Variants in DOCK4 observed in about 807,000 individuals in gnomAD.
DOCK4 encodes the protein dedicator of cytokinesis protein 4.
Under a neutral mutation model 268.1 loss-of-function variants are expected in DOCK4, and 97 were observed. That is an observed-to-expected ratio of 0.36 (90% CI 0.31 to 0.43). The LOEUF is 0.43. Ranked by LOEUF, DOCK4 falls within the 20% of genes least tolerant of loss-of-function variation. DOCK4 has a pLI of 1.00. For synonymous variants in DOCK4, 954 were observed against 887.2 expected, an observed-to-expected ratio of 1.08 and a Z score of -1.34; for missense variants, 2,145 against 2,455.7, an observed-to-expected ratio of 0.87 and a Z score of 2.67.
intron 43 of DOCK4, among the ~76,000 whole-genome samples, chr7:111,746,814 CTTTTTTTTTT>C (rs59197701): frequency 1.1e-4 from 12 of 110,916 alleles, no homozygotes; most frequent in South Asian, 3.6e-4. Flanking sequence ...TCGGTCTTAT[CTTTTTTTTTT>C]TTTTTTTTTT....
At chr7:111,970,726 T>C (rs143365883) in intron 8 of DOCK4, among the ~76,000 whole-genome samples, 1 of 152,322 alleles carries the variant, frequency 6.6e-6, no homozygotes, top group East Asian at 1.9e-4. Flanking sequence ...GCCTCTCCAA[T>C]GTGGCTGTGC....
At chr7:111,751,425 A>ATAAT (rs1288389903) in intron 42 of DOCK4, among the ~76,000 whole-genome samples, 2 of 152,160 alleles carry the variant, frequency 1.3e-5, no homozygotes, top group South Asian at 2.1e-4. Context: ...CTGGATTCGA[A>ATAAT]TAATAGAGTA....
At chr7:111,759,496 G>T (rs1317388793) in intron 40 of DOCK4, among the ~76,000 whole-genome samples, 1 of 152,076 alleles carries the variant, frequency 6.6e-6, no homozygotes, top group Non-Finnish European at 1.5e-5. Context: ...CTTGCATTTT[G>T]GTTTCTGCTT....
chr7:112,098,046 C>G (rs1453693105), intron 1 of DOCK4, among the ~76,000 whole-genome samples: 3 of 152,084 alleles, frequency 2.0e-5, no homozygotes, highest in Admixed American at 2.0e-4. Flanking sequence ...TCAGCAACAG[C>G]AGAAATGTGA....
intron 20 of DOCK4, 50 bp downstream of exon 20, chr7:111,871,940 A>C (rs1251470465): frequency 7.0e-7 from 1 of 1,426,204 alleles, no homozygotes; most frequent in East Asian, 2.5e-5. Flanking sequence ...CTGCTGAGAA[A>C]AGCTTGAAAG....
intron 8 of DOCK4, among the ~76,000 whole-genome samples, chr7:111,948,475 A>G (rs1795799093): frequency 1.3e-5 from 2 of 152,196 alleles, no homozygotes; most frequent in African/African-American, 2.4e-5. Context: ...CAAGAGTTCA[A>G]GGTAACTTTC....
intron 31 of DOCK4, chr7:111,789,016 G>A: frequency 4.1e-6 from 2 of 487,904 alleles, no homozygotes; most frequent in South Asian, 5.5e-5. Flanking sequence ...AATGCTTGCA[G>A]CCCAGTTTAA....
rs146842822 is a variant in DOCK4 at position 112,075,725 on chromosome 7, T to C, written c.38-71594A>G. Reference sequence around the variant, plus strand: ...CACACTATGCCATTCACATGCATAGTCACAATGAAACTTTTGATAGTGCAA... The same window carrying C: ...CACACTATGCCATTCACATGCATAGCCACAATGAAACTTTTGATAGTGCAA... On this transcript the variant is annotated intron_variant, in intron 1 of 52. Transcript: ENST00000428084. Among the ~76,000 whole-genome samples the C allele has an allele frequency of 1.7e-3, 252 of 152,130 alleles. 1 individual carries two copies. Among genetic ancestry groups the C allele is most frequent in the Middle Eastern group, 0.01 (3 of 292 alleles).
At chr7:112,035,851 T>C (rs1030192533) in intron 1 of DOCK4, among the ~76,000 whole-genome samples, 15 of 152,098 alleles carry the variant, frequency 9.9e-5, no homozygotes, top group African/African-American at 3.1e-4. Context: ...AGGGCATTCC[T>C]ACACCAGCAA....
chr7:112,103,603 TGGGCG>T (rs1416846955), intron 1 of DOCK4, among the ~76,000 whole-genome samples: 1 of 152,202 alleles, frequency 6.6e-6, no homozygotes, highest in African/African-American at 2.4e-5. Context: ...ATAAACAGTC[TGGGCG>T]CAGTGGCTCA....
chr7:111,984,182 CT>C, intron 7 of DOCK4, 123 bp downstream of exon 7: 1 of 852,792 alleles, frequency 1.2e-6, no homozygotes, highest in Non-Finnish European at 1.8e-6. Flanking sequence ...GCTCTCAAGT[CT>C]TTTTACTCTC....
intron 24 of DOCK4, among the ~76,000 whole-genome samples, chr7:111,845,608 G>A (rs1300222291): frequency 6.6e-6 from 1 of 152,118 alleles, no homozygotes; most frequent in East Asian, 1.9e-4. Flanking sequence ...TTCTAACCAA[G>A]GAGATCACTC....
At chr7:111,770,818 C>G (rs1447709145) in intron 36 of DOCK4, among the ~76,000 whole-genome samples, 1 of 152,082 alleles carries the variant, frequency 6.6e-6, no homozygotes, top group African/African-American at 2.4e-5. Flanking sequence ...ATTTATTTGC[C>G]TTTAGGGTAA....
At chr7:112,184,646 C>A (rs1269632571) in intron 1 of DOCK4, among the ~76,000 whole-genome samples, 5 of 152,046 alleles carry the variant, frequency 3.3e-5, no homozygotes, top group Non-Finnish European at 7.4e-5. Flanking sequence ...GTGACTCCTT[C>A]CTGACAGAGA....
chr7:112,164,293 T>A (rs1322445050), intron 1 of DOCK4, among the ~76,000 whole-genome samples: 3 of 151,378 alleles, frequency 2.0e-5, no homozygotes, highest in African/African-American at 7.4e-5. Flanking sequence ...AAAGACCCTG[T>A]CTTGAAGGCA....
chr7:111,955,277 TA>T (rs1796371287), intron 8 of DOCK4, among the ~76,000 whole-genome samples: 3 of 152,224 alleles, frequency 2.0e-5, no homozygotes, highest in Non-Finnish European at 4.4e-5. Flanking sequence ...CTCTTCTGAT[TA>T]AAGGGAAATG....
chr7:112,020,722 A>G lies in DOCK4; in HGVS notation c.38-16591T>C, dbSNP rs1431959582. 2.0e-5 allele frequency among the ~76,000 whole-genome samples: 3 copies of G among 151,920 alleles called. No homozygotes were observed. The East Asian group carries it at 5.8e-4, about 29-fold the overall frequency. ...AAAAAAAAAAAATTAAGGAAATTTAATAAGTGAACTAAAGCTGGGCTTTTC... is the reference window on the plus strand; with the variant it reads ...AAAAAAAAAAAATTAAGGAAATTTAGTAAGTGAACTAAAGCTGGGCTTTTC... On this transcript the variant is annotated intron_variant, in intron 1 of 52. Coordinates refer to ENST00000428084, the MANE Select transcript of DOCK4 (RefSeq NM_001363540.2).
At chr7:111,950,174 G>T (rs767713294) in intron 8 of DOCK4, among the ~76,000 whole-genome samples, 28 of 152,150 alleles carry the variant, frequency 1.8e-4, no homozygotes, top group Non-Finnish European at 2.8e-4. Context: ...TGATCTGCCT[G>T]CCTCACCCTC....
intron 1 of DOCK4, among the ~76,000 whole-genome samples, chr7:112,069,255 T>C (rs1040822478): frequency 6.6e-6 from 1 of 152,128 alleles, no homozygotes; most frequent in South Asian, 2.1e-4. Context: ...GAAGATTGAG[T>C]TATTGTTGGC....
Sources: allele counts gnomAD v4.1 joint callset (sites outside exome capture counted in the v4.1 genomes callset), GRCh38; gene constraint gnomAD v4.1.1; transcripts MANE v1.5; gene names NCBI Gene and HGNC (gene_info 2026-07-23, HGNC 2026-07-21).